COL19A1: variants seen among roughly 807,000 people sequenced by gnomAD.
COL19A1 encodes the protein collagen alpha-1(XIX) chain.
A neutral mutation model predicts 190.2 loss-of-function variants in COL19A1; 159 were observed. The ratio of observed to expected loss-of-function variants is 0.84; its 90% CI spans 0.73 to 0.95. COL19A1 has a LOEUF of 0.95. Ranked by LOEUF, COL19A1 falls within the 40% of genes least tolerant of loss-of-function variation. The pLI, the probability that COL19A1 is intolerant of heterozygous loss-of-function variation, is 0.00. For synonymous variants in COL19A1, 509 were observed against 458.9 expected (o/e 1.11, Z -1.39); for missense variants, 1,418 against 1,431.9 (o/e 0.99, Z 0.16).
In COL19A1 at chr6:70,022,112, G is replaced by T. The variant is rs906671634; in HGVS notation, c.1027-1515G>T. ...GTAATGTATTATCTATTAATATCAG[G>T]TGCTTGCTTTTCTTTACTTTTTTGC... On this transcript the variant is annotated intron_variant, in intron 11 of 50. Coordinates refer to ENST00000620364, the MANE Select transcript of COL19A1 (RefSeq NM_001858.6). 3.9e-5 allele frequency among the ~76,000 whole-genome samples: 6 copies of T among 151,982 alleles called. No homozygotes were observed. In the South Asian group the frequency reaches 8.3e-4, roughly 21 times the overall value.
At chr6:70,006,089 G>A (rs975777822) in intron 11 of COL19A1, among the ~76,000 whole-genome samples, 16 of 152,168 alleles carry the variant, frequency 1.1e-4, no homozygotes, top group Non-Finnish European at 8.8e-5. Context: ...AAGGAACTTA[G>A]TGTGTTAGGC....
rs375740258 is a variant in COL19A1, at chr6:69,990,020, TTAA to T, written c.1026+27155_1026+27157del. ...AAATTCTCATTGCATATCAAAAAGCTTAATAATGAATGTGTACAAATGATGTAT... is the reference window on the plus strand; with the variant it reads ...AAATTCTCATTGCATATCAAAAAGCTTAATGAATGTGTACAAATGATGTAT... On this transcript the variant is annotated intron_variant, in intron 11 of 50. Transcript: ENST00000620364. 3.6e-3 allele frequency among the ~76,000 whole-genome samples: 550 copies of T among 152,216 alleles called. 6 individuals are homozygous for T. The highest frequency in any genetic ancestry group is 0.013 in the African/African-American group (525 of 41,560).
intron 11 of COL19A1, among the ~76,000 whole-genome samples, chr6:69,974,689 A>G (rs16868411): frequency 0.05 from 7,650 of 151,596 alleles, 597 homozygotes; most frequent in African/African-American, 0.16. Context: ...TTTGTTCCGT[A>G]TTATTTTGAC....
At chr6:70,033,557 G>A (rs963436437) in intron 12 of COL19A1, among the ~76,000 whole-genome samples, 27 of 152,052 alleles carry the variant, frequency 1.8e-4, no homozygotes, top group Non-Finnish European at 2.9e-5. Flanking sequence ...TATTGTGGAA[G>A]TCTCAAAAGC....
chr6:70,084,962 G>A (rs1782494456), intron 15 of COL19A1, among the ~76,000 whole-genome samples: 1 of 152,110 alleles, frequency 6.6e-6, no homozygotes, highest in Admixed American at 6.6e-5. Flanking sequence ...GCCTCTCTGA[G>A]TCTCAGTTCT....
intron 4 of COL19A1, among the ~76,000 whole-genome samples, chr6:69,911,915 A>G (rs1341141641): frequency 6.6e-6 from 1 of 152,210 alleles, no homozygotes; most frequent in African/African-American, 2.4e-5. Context: ...GACTTCTTAA[A>G]GGAACAATGT....
chr6:70,041,511 C>T (rs1054918342), intron 14 of COL19A1, among the ~76,000 whole-genome samples: 1 of 151,900 alleles, frequency 6.6e-6, no homozygotes, highest in Non-Finnish European at 1.5e-5. Flanking sequence ...ATTGTTTAAA[C>T]CAAACCTTAA....
In COL19A1 at chr6:69,972,498, A is replaced by G. The variant is rs1185558471; in HGVS notation, c.1026+9628A>G. 3.9e-5 allele frequency among the ~76,000 whole-genome samples: 6 copies of G among 152,156 alleles called. 1 individual carries two copies. In the South Asian group the frequency reaches 1.2e-3, roughly 32 times the overall value. ...TTTACTGTGGGGAAGTATTATAGAG[A>G]AAGTTAAGTAGTGTTTCTTTTCAGC... On this transcript the variant is annotated intron_variant, in intron 11 of 50. Coordinates refer to ENST00000620364, the MANE Select transcript of COL19A1 (RefSeq NM_001858.6).
chr6:70,156,466 CTA>C (rs201665439), intron 33 of COL19A1, 97 bp downstream of exon 33: 1,040 of 987,994 alleles, frequency 1.1e-3, no homozygotes, highest in Non-Finnish European at 1.3e-3. Context: ...AAAATACATA[CTA>C]TATATATATA....
chr6:70,069,500 G>T (rs1254001492), intron 15 of COL19A1, among the ~76,000 whole-genome samples: 1 of 152,050 alleles, frequency 6.6e-6, no homozygotes. Context: ...AATAATCTTT[G>T]TCAGAAAACA....
chr6:69,913,322 G>A (rs1401566437), intron 4 of COL19A1, among the ~76,000 whole-genome samples: 1 of 152,118 alleles, frequency 6.6e-6, no homozygotes, highest in Non-Finnish European at 1.5e-5. Flanking sequence ...CCAAATGATA[G>A]TAAATATTAT....
At chr6:69,995,201 G>T (rs778317345) in intron 11 of COL19A1, among the ~76,000 whole-genome samples, 3 of 152,182 alleles carry the variant, frequency 2.0e-5, no homozygotes, top group Non-Finnish European at 4.4e-5. Flanking sequence ...CATTTCTATG[G>T]ATGCATTAGT....
At chr6:70,181,772 C>G (rs1314702077) in intron 44 of COL19A1, among the ~76,000 whole-genome samples, 3 of 151,818 alleles carry the variant, frequency 2.0e-5, no homozygotes, top group Non-Finnish European at 4.4e-5. Flanking sequence ...GCAATTTGAG[C>G]AGAAACCTGC....
At position 69,900,129 on chromosome 6, in the gene COL19A1, A is replaced by G; in HGVS notation, c.167-110A>G. ...GAAATTTTGCTGATCCCAAGCAGCA[A>G]GATTTCGTTTGAAGTGAATCAATTA... On this transcript the variant is annotated intron_variant, in intron 3 of 50. Coordinates refer to ENST00000620364, the MANE Select transcript of COL19A1 (RefSeq NM_001858.6). 5.4e-6 allele frequency: 3 copies of G among 554,798 alleles called. No individual in the cohort carries two copies. In the South Asian group the frequency reaches 1.7e-4, roughly 32 times the overall value. The allele number at this position is 554,798 out of a possible 1,614,324, so 34.4% of individuals were successfully genotyped here. A position where few individuals can be genotyped will look rare whatever the true frequency, so the allele number is the denominator to read the frequency against.
chr6:69,889,251 G>A (rs1284312446), intron 2 of COL19A1, among the ~76,000 whole-genome samples: 1 of 152,164 alleles, frequency 6.6e-6, no homozygotes, highest in Non-Finnish European at 1.5e-5. Context: ...GATTTTAATC[G>A]TGACTTTACA....
intron 49 of COL19A1, among the ~76,000 whole-genome samples, chr6:70,204,863 C>T (rs1201122051): frequency 6.6e-6 from 1 of 152,108 alleles, no homozygotes; most frequent in Non-Finnish European, 1.5e-5. Flanking sequence ...AAATATACCT[C>T]AGGAAATAAA....
intron 12 of COL19A1, among the ~76,000 whole-genome samples, chr6:70,029,004 A>G (rs1256014905): frequency 1.3e-5 from 2 of 152,244 alleles, no homozygotes; most frequent in South Asian, 2.1e-4. Context: ...CTGAATCTAT[A>G]TTATGGTCTT....
At chr6:70,075,723 C>A (rs1352724883) in intron 15 of COL19A1, among the ~76,000 whole-genome samples, 7 of 151,862 alleles carry the variant, frequency 4.6e-5, no homozygotes, top group African/African-American at 1.7e-4. Context: ...AACTAGTGGT[C>A]TCTGCAGTGC....
chr6:69,905,575 A>G (rs1260628591), intron 4 of COL19A1, among the ~76,000 whole-genome samples: 3 of 152,198 alleles, frequency 2.0e-5, no homozygotes, highest in Non-Finnish European at 2.9e-5. Context: ...CCTTTCACAG[A>G]CAATAGTGGC....
Sources: allele counts gnomAD v4.1 joint callset (sites outside exome capture counted in the v4.1 genomes callset), GRCh38; gene constraint gnomAD v4.1.1; transcripts MANE v1.5; gene names NCBI Gene and HGNC (gene_info 2026-07-23, HGNC 2026-07-21).